The following MEF2A variants were observed in gnomAD, a reference collection of about 807,000 sequenced individuals.
The protein encoded by MEF2A is myocyte enhancer factor 2A, also known as myocyte-specific enhancer factor 2A.
MEF2A carries 28 observed loss-of-function variants against 55.8 expected under a neutral mutation model. That is an observed-to-expected ratio of 0.50 (90% confidence interval 0.37 to 0.69). MEF2A has a LOEUF of 0.69. Ranked by LOEUF, MEF2A falls within the 30% of genes least tolerant of loss-of-function variation. The pLI, the probability that MEF2A is intolerant of heterozygous loss-of-function variation, is 0.00. For synonymous variants in MEF2A, 239 were observed against 227.1 expected (o/e 1.05, Z -0.47); for missense variants, 528 against 626.2 (o/e 0.84, Z 1.67).
chr15:99,572,781 A>G (rs1962869493), intron 1 of MEF2A, among the ~76,000 whole-genome samples: 2 of 152,240 alleles, frequency 1.3e-5, no homozygotes, highest in Admixed American at 6.5e-5. Context: ...GTGTGCTTCT[A>G]AAGCCCATGA....
intron 4 of MEF2A, among the ~76,000 whole-genome samples, chr15:99,647,605 CA>C (rs1435673954): frequency 6.6e-6 from 1 of 152,124 alleles, no homozygotes; most frequent in East Asian, 1.9e-4. Context: ...TTGTGGACAG[CA>C]AAGTGTAAGA....
chr15:99,590,454 G>T (rs1968880957), intron 1 of MEF2A, among the ~76,000 whole-genome samples: 1 of 144,876 alleles, frequency 6.9e-6, no homozygotes, highest in Non-Finnish European at 1.5e-5. Flanking sequence ...AGTCTCTACT[G>T]TTTAATTGAG....
chr15:99,672,079 A>G (rs1267541631), intron 5 of MEF2A, among the ~76,000 whole-genome samples: 1 of 152,220 alleles, frequency 6.6e-6, no homozygotes, highest in Non-Finnish European at 1.5e-5. Flanking sequence ...ATAGATCTTG[A>G]GAAAGCAAAA....
intron 1 of MEF2A, among the ~76,000 whole-genome samples, chr15:99,579,786 T>G (rs890794527): frequency 6.6e-6 from 1 of 152,186 alleles, no homozygotes; most frequent in African/African-American, 2.4e-5. Flanking sequence ...GTTACTTCAG[T>G]GATTTTCATT....
intron 4 of MEF2A, among the ~76,000 whole-genome samples, chr15:99,649,669 G>C (rs1374027254): frequency 6.6e-6 from 1 of 151,966 alleles, no homozygotes; most frequent in Non-Finnish European, 1.5e-5. Flanking sequence ...GGAATACTAG[G>C]TATGTCCTAG....
intron 2 of MEF2A, among the ~76,000 whole-genome samples, chr15:99,631,526 AAATTT>A (rs2042939924): frequency 6.6e-6 from 1 of 152,190 alleles, no homozygotes; most frequent in African/African-American, 2.4e-5. Flanking sequence ...CCTGAACCAT[AAATTT>A]AATTCAGATA....
At chr15:99,622,178 T>C (rs901850190) in intron 2 of MEF2A, among the ~76,000 whole-genome samples, 1 of 152,218 alleles carries the variant, frequency 6.6e-6, no homozygotes. Context: ...AAAATCTGGT[T>C]CCTGATTTTT....
chr15:99,690,164 G>T, intron 7 of MEF2A, 77 bp from the exon 8 acceptor site: 1 of 1,396,186 alleles, frequency 7.2e-7, no homozygotes. Flanking sequence ...AACTCAGACT[G>T]GGGAAAACTT....
At chr15:99,597,757 T>TA (rs1971718049) in intron 1 of MEF2A, among the ~76,000 whole-genome samples, 10 of 152,282 alleles carry the variant, frequency 6.6e-5, no homozygotes, top group Admixed American at 6.5e-4. Context: ...GTCCCTTTAT[T>TA]TCTCAAGCTG....
chr15:99,626,859 A>G (rs1363683306), intron 2 of MEF2A, among the ~76,000 whole-genome samples: 2 of 152,216 alleles, frequency 1.3e-5, no homozygotes, highest in Non-Finnish European at 2.9e-5. Context: ...GAAAGCGAAG[A>G]TGACTGATGC....
intron 8 of MEF2A, among the ~76,000 whole-genome samples, chr15:99,701,726 C>T (rs1030857626): frequency 6.6e-6 from 1 of 152,152 alleles, no homozygotes; most frequent in African/African-American, 2.4e-5. Context: ...TATATACATA[C>T]ATACATAACA....
chr15:99,652,687 T>G (rs1325188737), intron 4 of MEF2A, among the ~76,000 whole-genome samples: 1 of 152,216 alleles, frequency 6.6e-6, no homozygotes, highest in East Asian at 1.9e-4. Context: ...CAGGTTTGGA[T>G]AGCCACTGAA....
At chr15:99,595,771 C>T (rs980762497) in intron 1 of MEF2A, among the ~76,000 whole-genome samples, 16 of 152,090 alleles carry the variant, frequency 1.1e-4, no homozygotes, top group African/African-American at 1.9e-4. Context: ...TTGAAGTGTA[C>T]GTTTGATCTA....
chr15:99,581,189 A>G (rs773343902), intron 1 of MEF2A, among the ~76,000 whole-genome samples: 1 of 152,188 alleles, frequency 6.6e-6, no homozygotes, highest in Non-Finnish European at 1.5e-5. Flanking sequence ...TGGAGTAAGA[A>G]ATAGACTTAA....
At position 99,712,504 on chromosome 15, in the gene MEF2A, C is replaced by CCAGCAGCAGCAGCAGCAG. The variant is rs3138597; in HGVS notation, c.1268_1285dup (p.Gln423_Gln428dup). 14 of 1,531,416 alleles carry CCAGCAGCAGCAGCAGCAG rather than the reference C, an allele frequency of 9.1e-6. No individual in the cohort carries two copies. Among genetic ancestry groups the CCAGCAGCAGCAGCAGCAG allele is most frequent in the African/African-American group, 4.2e-5 (3 of 72,192 alleles). 94.9% of individuals were successfully genotyped at this position (1,531,416 alleles called of 1,614,324 possible). On this transcript the variant is annotated inframe_insertion, in exon 12 of 12. Transcript: ENST00000557942. The surrounding 1 kb of genome is among the most constrained non-coding windows in gnomAD (Gnocchi z 4.1). ...GGGATCGTATGACCCCATCGGGCTTCCAGCAGCAGCAGCAGCAGCAGCAGC... is the reference window on the plus strand; with the variant it reads ...GGGATCGTATGACCCCATCGGGCTTCCAGCAGCAGCAGCAGCAGCAGCAGCAGCAGCAGCAGCAGCAGC...
At chr15:99,566,895 AAC>A (rs1567122634) in intron 1 of MEF2A, among the ~76,000 whole-genome samples, 2 of 152,330 alleles carry the variant, frequency 1.3e-5, no homozygotes, top group East Asian at 3.9e-4. Flanking sequence ...CCGCTGGCTG[AAC>A]CCCTGCCATC....
At position 99,712,481 on chromosome 15, in the gene MEF2A, G is replaced by A; in HGVS notation, c.1228G>A (p.Asp410Asn). The change falls in exon 12 of 12, where the codon GAT (aspartate) becomes AAT (asparagine). Residue 410 changes from aspartate (D) to asparagine (N), a missense_variant. Physicochemically the swap from Asp to Asn is conservative, Grantham distance 23 (BLOSUM62 1). This residue lies in a region of MEF2A where 450 missense variants were observed against 475.3 expected (regional missense o/e 0.95). Coordinates refer to ENST00000557942, the MANE Select transcript of MEF2A (RefSeq NM_001319206.4). This position sits in a 1 kb window ranked among gnomAD's most constrained non-coding sequence, Gnocchi z 4.1. Reference sequence around the variant, plus strand: ...GTCCGAACCGATTTCACCTCCTCGGGATCGTATGACCCCATCGGGCTTCCA... The same window carrying A: ...GTCCGAACCGATTTCACCTCCTCGGAATCGTATGACCCCATCGGGCTTCCA... ...IKSEPISPPR[D>N]RMTPSGFQQQ... 6.4e-7 allele frequency: 1 copy of A among 1,551,514 alleles called. No homozygotes were observed. The highest frequency in any genetic ancestry group is 2.4e-5 in the East Asian group (1 of 40,888).
intron 1 of MEF2A, among the ~76,000 whole-genome samples, chr15:99,593,932 T>C (rs1970237333): frequency 6.6e-6 from 1 of 152,150 alleles, no homozygotes; most frequent in African/African-American, 2.4e-5. Context: ...AAAAAACAAA[T>C]TATTTTTTTT....
At chr15:99,663,478 T>C (rs997932718) in intron 4 of MEF2A, among the ~76,000 whole-genome samples, 12 of 152,116 alleles carry the variant, frequency 7.9e-5, no homozygotes, top group Admixed American at 4.6e-4. Context: ...GAATCACATA[T>C]ATATATTTAA....
Sources: gnomAD v4.1 joint callset for allele counts (sites outside exome capture counted in the v4.1 genomes callset) on GRCh38, gnomAD v4.1.1 for gene constraint, gnomAD v4.1.1 regional missense constraint, Gnocchi (gnomAD v3.1) non-coding constraint, MANE v1.5 for transcripts, NCBI Gene and HGNC (gene_info 2026-07-23, HGNC 2026-07-21) for gene names.